Variants in NFIL3 observed in about 807,000 individuals in gnomAD.
NFIL3 encodes the protein nuclear factor, interleukin 3 regulated, also known as nuclear factor interleukin-3-regulated protein.
In NFIL3, 5 loss-of-function variants were observed where a neutral mutation model predicts 10.0. The ratio of observed to expected loss-of-function variants is 0.50; its 90% CI spans 0.26 to 1.06. NFIL3 has a LOEUF of 1.06. NFIL3 is among the 50% of genes least tolerant of loss of function. NFIL3 has a pLI of 0.13. For synonymous variants in NFIL3, 202 were observed against 206.5 expected (o/e 0.98, Z 0.19); for missense variants, 436 against 547.6 (o/e 0.80, Z 2.03).
chr9:91,445,632 G>A, the NFIL3 span, among the ~76,000 whole-genome samples: 16 of 152,260 alleles, frequency 1.1e-4, no homozygotes, highest in Admixed American at 2.6e-4. Context: ...GAGGGGTGGG[G>A]TGCAGCATTG....
At chr9:91,416,017 C>G (rs1027075376) in intron 1 of NFIL3, among the ~76,000 whole-genome samples, 1 of 152,186 alleles carries the variant, frequency 6.6e-6, no homozygotes, top group Admixed American at 6.5e-5. Context: ...TGTTTCAGAT[C>G]TGGCACTATT....
the NFIL3 span, among the ~76,000 whole-genome samples, chr9:91,456,614 A>G: frequency 1.3e-5 from 2 of 151,868 alleles, no homozygotes; most frequent in African/African-American, 4.8e-5. Context: ...TATCAGATTG[A>G]CGGTTTGCAA....
Position 91,409,527 on chromosome 9 carries a change from A to G in NFIL3, c.1208T>C (p.Leu403Pro). The change falls in exon 2 of 2, where the codon CTG becomes CCG. Residue 403 changes from leucine to proline, a missense_variant. Physicochemically the swap from Leu to Pro is moderately conservative, Grantham distance 98 (BLOSUM62 -3). This residue lies in a region of NFIL3 where 338 missense variants were observed against 399.9 expected (regional missense o/e 0.85). Coordinates refer to ENST00000297689, the MANE Select transcript of NFIL3 (RefSeq NM_005384.3). ...LKSEHWHQKE[L>P]SGKTQNSFKT... ...GAAACTATTCTGAGTTTTGCCACTC[A>G]GTTCTTTTTGATGCCAGTGCTCCGA... 1 of 1,613,924 alleles carries G rather than the reference A, an allele frequency of 6.2e-7. No individual in the cohort carries two copies. Among genetic ancestry groups the G allele is most frequent in the Non-Finnish European group, 8.5e-7 (1 of 1,179,936 alleles).
chr9:91,458,431 T>C, the NFIL3 span, among the ~76,000 whole-genome samples: 42 of 152,128 alleles, frequency 2.8e-4, no homozygotes, highest in Non-Finnish European at 1.0e-4. Flanking sequence ...GGCATAATAT[T>C]ATTCATAGTA....
At chr9:91,444,884 T>C in the NFIL3 span, among the ~76,000 whole-genome samples, 1 of 152,212 alleles carries the variant, frequency 6.6e-6, no homozygotes, top group Non-Finnish European at 1.5e-5. Flanking sequence ...GTTTCAAGCC[T>C]GACATGGCCC....
chr9:91,466,199 A>G, the NFIL3 span, among the ~76,000 whole-genome samples: 4 of 152,172 alleles, frequency 2.6e-5, no homozygotes, highest in Non-Finnish European at 2.9e-5. Flanking sequence ...ATGTTAGGAC[A>G]TCTCTTAATA....
At chr9:91,478,658 C>A in the NFIL3 span, among the ~76,000 whole-genome samples, 2 of 152,060 alleles carry the variant, frequency 1.3e-5, no homozygotes, top group African/African-American at 4.8e-5. Flanking sequence ...TCGTCAAAGT[C>A]ACTTTCCGTC....
At chr9:91,423,376 G>A (rs1269340390) in intron 1 of NFIL3, among the ~76,000 whole-genome samples, 3 of 152,270 alleles carry the variant, frequency 2.0e-5, no homozygotes, top group South Asian at 4.1e-4. Context: ...GCAGCGGGGG[G>A]AGAGCGCAAA....
chr9:91,478,845 G>A, the NFIL3 span, among the ~76,000 whole-genome samples: 1 of 152,072 alleles, frequency 6.6e-6, no homozygotes, highest in African/African-American at 2.4e-5. Context: ...CATCCTTTTT[G>A]TTGATGTTGA....
the NFIL3 span, among the ~76,000 whole-genome samples, chr9:91,462,057 T>C: frequency 6.6e-6 from 1 of 152,176 alleles, no homozygotes; most frequent in African/African-American, 2.4e-5. Flanking sequence ...TTTGTCTTGC[T>C]GAGAAGGACC....
At chr9:91,465,719 G>A in the NFIL3 span, among the ~76,000 whole-genome samples, 10 of 151,926 alleles carry the variant, frequency 6.6e-5, no homozygotes, top group African/African-American at 2.4e-4. Flanking sequence ...TAGGAACTGA[G>A]GTAAATAGGC....
At chr9:91,444,800 A>C in the NFIL3 span, among the ~76,000 whole-genome samples, 1 of 152,160 alleles carries the variant, frequency 6.6e-6, no homozygotes, top group East Asian at 1.9e-4. Context: ...TGGTGGCAAG[A>C]GCTTTAGAGA....
the NFIL3 span, among the ~76,000 whole-genome samples, chr9:91,464,498 A>G: frequency 6.6e-6 from 1 of 152,104 alleles, no homozygotes; most frequent in South Asian, 2.1e-4. Context: ...ATATGCCATA[A>G]TAGCCCCATA....
chr9:91,420,454 C>T (rs1488775851), intron 1 of NFIL3, among the ~76,000 whole-genome samples: 1 of 151,582 alleles, frequency 6.6e-6, no homozygotes, highest in Non-Finnish European at 1.5e-5. Flanking sequence ...CCAACTAAGT[C>T]AACAGGTTTT....
chr9:91,461,872 A>G, the NFIL3 span, among the ~76,000 whole-genome samples: 1 of 152,184 alleles, frequency 6.6e-6, no homozygotes. Flanking sequence ...CATCTTATTT[A>G]GGAAACAAAG....
the NFIL3 span, among the ~76,000 whole-genome samples, chr9:91,438,318 A>G: frequency 6.6e-6 from 1 of 152,138 alleles, no homozygotes; most frequent in African/African-American, 2.4e-5. Context: ...TCTTTGGAGA[A>G]ATGTCTATTC....
intron 1 of NFIL3, among the ~76,000 whole-genome samples, chr9:91,421,867 T>C (rs1229149605): frequency 6.6e-6 from 1 of 152,226 alleles, no homozygotes; most frequent in Admixed American, 6.5e-5. Context: ...ATACATCCCA[T>C]CATATACATA....
At chr9:91,466,014 T>A in the NFIL3 span, among the ~76,000 whole-genome samples, 1 of 151,990 alleles carries the variant, frequency 6.6e-6, no homozygotes, top group South Asian at 2.1e-4. Context: ...GTGTGTGATG[T>A]ACAGTAGATC....
upstream of NFIL3, among the ~76,000 whole-genome samples, chr9:91,425,260 C>T (rs1435325539): frequency 1.3e-5 from 2 of 152,238 alleles, no homozygotes; most frequent in Non-Finnish European, 2.9e-5. Flanking sequence ...CAGGTACCAT[C>T]CCTAGTGTCT....
Sources: allele counts gnomAD v4.1 joint callset (sites outside exome capture counted in the v4.1 genomes callset), GRCh38; gene constraint gnomAD v4.1.1; regional missense constraint gnomAD v4.1.1; transcripts MANE v1.5; gene names NCBI Gene and HGNC (gene_info 2026-07-23, HGNC 2026-07-21).